The following MACROD2 variants were observed in gnomAD, a reference collection of about 807,000 sequenced individuals.
The protein encoded by MACROD2 is mono-ADP ribosylhydrolase 2.
MACROD2 carries 36 observed loss-of-function variants against 70.4 expected under a neutral mutation model. The observed-to-expected ratio is 0.51, with a 90% CI of 0.39 to 0.68. The LOEUF (loss-of-function observed/expected upper bound fraction) is 0.68, where lower values mean the gene tolerates loss of function less well. Among genes scored for constraint, MACROD2 ranks in the 30% least tolerant of loss-of-function variants. MACROD2 has a pLI of 0.00. For synonymous variants in MACROD2, 172 were observed against 178.8 expected (o/e 0.96, Z 0.30); for missense variants, 496 against 538.4 (o/e 0.92, Z 0.78).
At chr20:14,255,972 A>G (rs1461633004) in intron 3 of MACROD2, among the ~76,000 whole-genome samples, 1 of 151,658 alleles carries the variant, frequency 6.6e-6, no homozygotes, top group African/African-American at 2.4e-5. Context: ...CATATTTTCA[A>G]TTTTGAAGAG....
chr20:15,838,446 C>A (rs146341740), intron 8 of MACROD2, among the ~76,000 whole-genome samples: 80 of 152,256 alleles, frequency 5.3e-4, no homozygotes, highest in African/African-American at 1.9e-3. Context: ...TTAGCTTTTT[C>A]TGGATTGCAC....
intron 8 of MACROD2, among the ~76,000 whole-genome samples, chr20:15,844,737 C>T (rs755150000): frequency 6.6e-6 from 1 of 152,122 alleles, no homozygotes; most frequent in Non-Finnish European, 1.5e-5. Context: ...TGAATGTATA[C>T]ATTCAACTTA....
chr20:14,510,903 T>C (rs1457105361), intron 4 of MACROD2, among the ~76,000 whole-genome samples: 2 of 152,104 alleles, frequency 1.3e-5, no homozygotes, highest in South Asian at 2.1e-4. Flanking sequence ...TGATGTTACA[T>C]GATAAGTACT....
At chr20:15,843,425 A>G (rs1299912628) in intron 8 of MACROD2, among the ~76,000 whole-genome samples, 1 of 152,162 alleles carries the variant, frequency 6.6e-6, no homozygotes, top group African/African-American at 2.4e-5. Flanking sequence ...TGTTAATTCT[A>G]TGTGATATTT....
intron 9 of MACROD2, among the ~76,000 whole-genome samples, chr20:15,884,391 T>C (rs181997797): frequency 3.3e-5 from 5 of 151,918 alleles, no homozygotes; most frequent in Non-Finnish European, 5.9e-5. Flanking sequence ...TTGCCATCCA[T>C]GTGGGTGGTA....
intron 5 of MACROD2, among the ~76,000 whole-genome samples, chr20:14,693,729 G>C (rs1372088176): frequency 6.6e-6 from 1 of 152,138 alleles, no homozygotes; most frequent in African/African-American, 2.4e-5. Context: ...CATGGTAGAA[G>C]ATCTGAGATG....
intron 13 of MACROD2, among the ~76,000 whole-genome samples, chr20:15,975,605 T>G (rs965695651): frequency 2.6e-5 from 4 of 152,210 alleles, no homozygotes; most frequent in Admixed American, 1.3e-4. Context: ...GGACTCAAAG[T>G]GTAAATATGT....
chr20:14,786,651 A>C (rs764529350), intron 5 of MACROD2, among the ~76,000 whole-genome samples: 1 of 152,056 alleles, frequency 6.6e-6, no homozygotes, highest in Non-Finnish European at 1.5e-5. Flanking sequence ...TCTTAAAAGC[A>C]AAAACTAGAG....
intron 5 of MACROD2, among the ~76,000 whole-genome samples, chr20:14,909,579 A>G (rs2074001021): frequency 6.6e-6 from 1 of 151,940 alleles, no homozygotes; most frequent in East Asian, 1.9e-4. Flanking sequence ...TAACCTATAT[A>G]AGCCACCTGT....
chr20:15,494,733 T>TGG (rs1161976613), intron 7 of MACROD2, among the ~76,000 whole-genome samples: 47 of 112,740 alleles, frequency 4.2e-4, no homozygotes, highest in African/African-American at 1.1e-3. Flanking sequence ...AGCTGCATAA[T>TGG]GGGGTGTGTG....
chr20:15,759,139 C>T (rs1176647331), intron 8 of MACROD2, among the ~76,000 whole-genome samples: 1 of 114,204 alleles, frequency 8.8e-6, no homozygotes, highest in Non-Finnish European at 1.7e-5. Context: ...GAGCAAGACT[C>T]CATCTCAAAA....
intron 8 of MACROD2, among the ~76,000 whole-genome samples, chr20:15,753,331 A>G (rs751422235): frequency 3.9e-5 from 6 of 152,072 alleles, no homozygotes; most frequent in Non-Finnish European, 7.4e-5. Flanking sequence ...TGAGTACCCA[A>G]TATTTAGCTC....
At chr20:15,511,385 T>G (rs1306122316) in intron 8 of MACROD2, among the ~76,000 whole-genome samples, 1 of 152,168 alleles carries the variant, frequency 6.6e-6, no homozygotes, top group Non-Finnish European at 1.5e-5. Context: ...GACTTTTAGT[T>G]GTTGTTGCTT....
In MACROD2 at chr20:15,196,955, T is replaced by A. The variant is rs141180576; in HGVS notation, c.419-32985T>A. ...AAAAACCTTTAAAAATTGGAGCCCT[T>A]TGGGCCTCAGGTATCCAAAGAGCAC... On this transcript the variant is annotated intron_variant, in intron 5 of 17. Transcript: ENST00000684519. 1.8e-4 allele frequency: 174 copies of A among 985,352 alleles called. 1 individual carries two copies. The highest frequency in any genetic ancestry group is 1.6e-3 in the Middle Eastern group (3 of 1,914). The allele number at this position is 985,352 out of a possible 1,614,324, so 61.0% of individuals were successfully genotyped here. A position where few individuals can be genotyped will look rare whatever the true frequency, so the allele number is the denominator to read the frequency against.
intron 5 of MACROD2, among the ~76,000 whole-genome samples, chr20:15,062,317 C>T (rs906393003): frequency 1.3e-5 from 2 of 152,104 alleles, no homozygotes; most frequent in Non-Finnish European, 2.9e-5. Flanking sequence ...TTTAGTTGAG[C>T]AATGATTTGT....
chr20:14,417,752 G>C (rs2083826424), intron 3 of MACROD2, among the ~76,000 whole-genome samples: 1 of 152,196 alleles, frequency 6.6e-6, no homozygotes, highest in South Asian at 2.1e-4. Flanking sequence ...TTTAAGTTGA[G>C]ATTGAGTGCT....
At chr20:15,701,742 G>C (rs2050462397) in intron 8 of MACROD2, among the ~76,000 whole-genome samples, 1 of 152,142 alleles carries the variant, frequency 6.6e-6, no homozygotes, top group South Asian at 2.1e-4. Flanking sequence ...GCTGAGGTTT[G>C]GGGTGCAGAT....
intron 6 of MACROD2, among the ~76,000 whole-genome samples, chr20:15,404,924 A>G (rs73269042): frequency 1.2e-3 from 176 of 152,372 alleles, no homozygotes; most frequent in African/African-American, 4.2e-3. Flanking sequence ...AAAATGTAGT[A>G]TATTTATACA....
intron 5 of MACROD2, among the ~76,000 whole-genome samples, chr20:15,221,148 A>G (rs1040760580): frequency 1.3e-5 from 2 of 152,080 alleles, no homozygotes; most frequent in African/African-American, 4.8e-5. Flanking sequence ...TTTAAAGCCG[A>G]TTTTCTCCTC....
Sources: gnomAD v4.1 joint callset for allele counts (sites outside exome capture counted in the v4.1 genomes callset) on GRCh38, gnomAD v4.1.1 for gene constraint, MANE v1.5 for transcripts, NCBI Gene and HGNC (gene_info 2026-07-23, HGNC 2026-07-21) for gene names.